Variants in PLA2G5 observed in about 807,000 individuals in gnomAD.
PLA2G5 encodes the protein phospholipase A2 group V.
Under a neutral mutation model 15.9 loss-of-function variants are expected in PLA2G5, and 12 were observed. The observed-to-expected ratio is 0.76, with a 90% CI of 0.48 to 1.23. PLA2G5 has a LOEUF of 1.23. PLA2G5 is among the 50% of genes most tolerant of loss of function. The pLI, the probability that PLA2G5 is intolerant of heterozygous loss-of-function variation, is 0.00. For synonymous variants in PLA2G5, 71 were observed against 71.4 expected, an observed-to-expected ratio of 0.99 and a Z score of 0.03; for missense variants, 169 against 177.1, an observed-to-expected ratio of 0.95 and a Z score of 0.26.
intron 1 of PLA2G5, among the ~76,000 whole-genome samples, chr1:20,055,204 A>T (rs895341317): frequency 3.3e-5 from 5 of 152,166 alleles, no homozygotes; most frequent in Admixed American, 1.3e-4. Flanking sequence ...TGAAACCCCC[A>T]CACAGTCACA....
In PLA2G5 at chr1:20,090,715, A is replaced by G; in HGVS notation, c.*23A>G. On this transcript the variant is annotated 3_prime_UTR_variant, in exon 5 of 5. Coordinates refer to ENST00000375108, the MANE Select transcript of PLA2G5 (RefSeq NM_000929.3). The stretch of plus-strand genomic sequence containing the variant: ...TAGGCCTCCCCAGCGAGCTCCTCCC[A>G]GACCAAGACTTTTGTTCTGTTTTTC... The G allele has an allele frequency of 6.2e-7, 1 of 1,613,364 alleles. No individual in the cohort carries two copies. The highest frequency in any genetic ancestry group is 1.1e-5 in the South Asian group (1 of 91,034).
chr1:20,060,247 C>CTTTTTTTTTTTTTTTTTTTTTTTTTTTTT (rs71585739), intron 2 of PLA2G5, among the ~76,000 whole-genome samples: 1 of 83,690 alleles, frequency 1.2e-5, no homozygotes, highest in Non-Finnish European at 2.1e-5. Flanking sequence ...CTTTTTTCTT[C>CTTTTTTTTTTTTTTTTTTTTTTTTTTTTT]TTTTTTTTTT....
chr1:20,032,633 G>C (rs1177037845), intron 1 of PLA2G5, among the ~76,000 whole-genome samples: 2 of 148,036 alleles, frequency 1.4e-5, no homozygotes, highest in South Asian at 2.1e-4. Context: ...AGTTGGCATA[G>C]GGGGCGGTAA....
intron 1 of PLA2G5, among the ~76,000 whole-genome samples, chr1:20,050,195 A>T (rs2014115089): frequency 6.6e-6 from 1 of 152,186 alleles, no homozygotes; most frequent in Admixed American, 6.5e-5. Context: ...AGTATTTGTG[A>T]CATTGAGTTA....
In PLA2G5 at chr1:20,091,901, A is replaced by C. The variant is rs1404914602; in HGVS notation, c.*1209A>C. On this transcript the variant is annotated 3_prime_UTR_variant, in exon 5 of 5. Coordinates refer to ENST00000375108, the MANE Select transcript of PLA2G5 (RefSeq NM_000929.3). Reference sequence around the variant, plus strand: ...TCAAAATAAAATTTAATTTTATGAGATTACCCTGAATGCACCAGTGCTTTA... The same window carrying C: ...TCAAAATAAAATTTAATTTTATGAGCTTACCCTGAATGCACCAGTGCTTTA... Among the ~76,000 whole-genome samples the C allele has an allele frequency of 6.6e-6, 1 of 152,226 alleles. No individual in the cohort carries two copies. Among genetic ancestry groups the C allele is most frequent in the African/African-American group, 2.4e-5 (1 of 41,456 alleles).
chr1:20,072,661 C>T (rs1172484230), intron 1 of PLA2G5, among the ~76,000 whole-genome samples: 2 of 152,144 alleles, frequency 1.3e-5, no homozygotes, highest in African/African-American at 4.8e-5. Context: ...AGACAGGTGC[C>T]TCTGACTTGG....
chr1:20,084,955 C>A, intron 2 of PLA2G5, 85 bp downstream of exon 2: 1 of 941,326 alleles, frequency 1.1e-6, no homozygotes, highest in Non-Finnish European at 1.8e-6. Context: ...CCATTGAGGT[C>A]GTAGAGACTT....
intron 1 of PLA2G5, among the ~76,000 whole-genome samples, chr1:20,074,915 T>A (rs775369167): frequency 6.6e-6 from 1 of 152,100 alleles, no homozygotes; most frequent in Non-Finnish European, 1.5e-5. Context: ...TCAGCCCCAA[T>A]TCCCTCCCTT....
At chr1:20,076,854 C>CGGA (rs921945400) in intron 1 of PLA2G5, 1 of 152,180 alleles carries the variant, frequency 6.6e-6, no homozygotes, top group Admixed American at 6.6e-5. Flanking sequence ...GAAGACTTCC[C>CGGA]GGAGGAGGAG....
chr1:20,038,934 C>T (rs1244839419), intron 1 of PLA2G5, among the ~76,000 whole-genome samples: 1 of 152,176 alleles, frequency 6.6e-6, no homozygotes, highest in Non-Finnish European at 1.5e-5. Flanking sequence ...ATGGGGGTAA[C>T]AGCTGAGGGT....
At chr1:20,072,323 T>C (rs940360123) in intron 1 of PLA2G5, among the ~76,000 whole-genome samples, 1 of 152,146 alleles carries the variant, frequency 6.6e-6, no homozygotes, top group African/African-American at 2.4e-5. Flanking sequence ...TTCTCAGCTG[T>C]TTTGCTCTTT....
rs572552031 is a variant in PLA2G5, at chr1:20,086,323, G to A, written c.185+96G>A. The A allele has an allele frequency of 6.1e-5, 81 of 1,337,312 alleles. 1 individual carries two copies. In the Admixed American group the frequency reaches 6.3e-4, roughly 10 times the overall value. The allele number at this position is 1,337,312 out of a possible 1,614,324, so 82.8% of individuals were successfully genotyped here. On this transcript the variant is annotated intron_variant, in intron 3 of 4. Transcript: ENST00000375108. ...TCAGTTCTGGAAGATGAGTATTAAA[G>A]TACCATTTTACAAATAAGAAAACTA...
intron 1 of PLA2G5, among the ~76,000 whole-genome samples, chr1:20,080,096 C>T (rs2015923329): frequency 6.6e-6 from 1 of 151,852 alleles, no homozygotes; most frequent in South Asian, 2.1e-4. Context: ...TGAGGCTGAG[C>T]AAAACAGGAT....
chr1:20,029,510 T>C (rs1274000390), intron 1 of PLA2G5, among the ~76,000 whole-genome samples: 1 of 152,084 alleles, frequency 6.6e-6, no homozygotes, highest in Non-Finnish European at 1.5e-5. Context: ...GTCCCGGGTT[T>C]TTATAGGCAC....
chr1:20,079,855 G>C (rs1214860251), intron 1 of PLA2G5, among the ~76,000 whole-genome samples: 1 of 152,172 alleles, frequency 6.6e-6, no homozygotes, highest in African/African-American at 2.4e-5. Flanking sequence ...CCTTCCCTGA[G>C]AGAAGAACTG....
At position 20,070,234 on chromosome 1, in the gene PLA2G5, CAGA is replaced by C. The variant is rs370294820; in HGVS notation, c.-239_-237del. On this transcript the variant is annotated 5_prime_UTR_variant, in exon 1 of 5. Coordinates refer to ENST00000375108, the MANE Select transcript of PLA2G5 (RefSeq NM_000929.3). ...AGGGTTCTACCCGGCTGGGTCCAGG[CAGA>C]AGTTTTTCCTCCCCACCTCCGGGTT... is the stretch of plus-strand genomic sequence containing the variant. 1,571 of 985,558 alleles carry C rather than the reference CAGA, an allele frequency of 1.6e-3. 20 individuals carry two copies. In the African/African-American group the frequency reaches 0.026, roughly 16 times the overall value. The allele number at this position is 985,558 out of a possible 1,614,324, so 61.1% of individuals were successfully genotyped here.
chr1:20,052,460 C>T (rs986873832), intron 1 of PLA2G5, among the ~76,000 whole-genome samples: 2 of 152,172 alleles, frequency 1.3e-5, no homozygotes, highest in African/African-American at 2.4e-5. Flanking sequence ...CACTTTCATA[C>T]CTGATGCATG....
intron 1 of PLA2G5, among the ~76,000 whole-genome samples, chr1:20,033,374 G>A (rs1349576368): frequency 1.3e-5 from 2 of 152,240 alleles, no homozygotes; most frequent in Non-Finnish European, 2.9e-5. Context: ...AGGGAGGAGG[G>A]TGGCCAGGTT....
chr1:20,040,983 C>T (rs2013562335), intron 1 of PLA2G5, among the ~76,000 whole-genome samples: 2 of 152,172 alleles, frequency 1.3e-5, no homozygotes, highest in Non-Finnish European at 1.5e-5. Flanking sequence ...TCTCATGTTT[C>T]CCTAAAATGT....
Sources: gnomAD v4.1 joint callset for allele counts (sites outside exome capture counted in the v4.1 genomes callset) on GRCh38, gnomAD v4.1.1 for gene constraint, MANE v1.5 for transcripts, NCBI Gene and HGNC (gene_info 2026-07-23, HGNC 2026-07-21) for gene names.